Variants in TAS2R1 observed in about 807,000 individuals in gnomAD.
TAS2R1 encodes taste 2 receptor member 1, also known as taste receptor type 2 member 1.
For synonymous variants in TAS2R1, 141 were observed against 134.2 expected (o/e 1.05, Z -0.35); for missense variants, 370 against 353.4 (o/e 1.05, Z -0.38).
the TAS2R1 span, among the ~76,000 whole-genome samples, chr5:9,898,710 CA>C: frequency 6.6e-6 from 1 of 152,096 alleles, no homozygotes; most frequent in African/African-American, 2.4e-5. Flanking sequence ...AGGCAGGAAG[CA>C]AAACAACAGA....
chr5:9,703,026 C>T (rs1741523590), intron 1 of TAS2R1, among the ~76,000 whole-genome samples: 1 of 152,156 alleles, frequency 6.6e-6, no homozygotes, highest in African/African-American at 2.4e-5. Flanking sequence ...AAAAACAAAG[C>T]TAGATTCCAG....
the TAS2R1 span, among the ~76,000 whole-genome samples, chr5:9,875,226 C>T: frequency 6.6e-6 from 1 of 152,124 alleles, no homozygotes; most frequent in African/African-American, 2.4e-5. Context: ...AGGGAGCGGG[C>T]AGGAGCCAAC....
the TAS2R1 span, among the ~76,000 whole-genome samples, chr5:9,801,063 G>A: frequency 3.3e-5 from 5 of 152,278 alleles, no homozygotes; most frequent in South Asian, 2.1e-4. Context: ...ATGGTGGCAG[G>A]AGCCTATAAT....
chr5:9,727,294 T>A, the TAS2R1 span, among the ~76,000 whole-genome samples: 1 of 152,204 alleles, frequency 6.6e-6, no homozygotes, highest in Non-Finnish European at 1.5e-5. Flanking sequence ...AAGCAGACAT[T>A]TAAAAGTGAT....
At chr5:9,810,531 G>A in the TAS2R1 span, among the ~76,000 whole-genome samples, 1 of 152,244 alleles carries the variant, frequency 6.6e-6, no homozygotes, top group African/African-American at 2.4e-5. Flanking sequence ...GAGTTTAATG[G>A]GCCATGAGGA....
chr5:9,631,390 C>T (rs555161012), upstream of TAS2R1, among the ~76,000 whole-genome samples: 23 of 152,304 alleles, frequency 1.5e-4, no homozygotes, highest in African/African-American at 5.3e-4. Flanking sequence ...TAGATATGCA[C>T]CACCATGCCT....
chr5:9,880,151 C>T, the TAS2R1 span, among the ~76,000 whole-genome samples: 5 of 152,080 alleles, frequency 3.3e-5, no homozygotes, highest in Admixed American at 6.5e-5. Context: ...ATAAACTATA[C>T]GTAAAGAGGA....
At chr5:9,862,004 T>C in the TAS2R1 span, among the ~76,000 whole-genome samples, 2 of 152,128 alleles carry the variant, frequency 1.3e-5, no homozygotes, top group East Asian at 1.9e-4. Flanking sequence ...TGGACAAATA[T>C]TGCAAATCAA....
rs542286027 is a variant in TAS2R1, at chr5:9,639,495, C to T, written c.-80-9503G>A. On this transcript the variant is annotated intron_variant, in intron 2 of 2. Transcript: ENST00000506620. The stretch of plus-strand genomic sequence containing the variant: ...CTGTTTTGTGGAATTTGCAGCAGCA[C>T]GCCACTCTTTCAAAGGATCTGTGAA... 3.2e-3 allele frequency among the ~76,000 whole-genome samples: 493 copies of T among 152,114 alleles called. 1 individual carries two copies. Among genetic ancestry groups the T allele is most frequent in the African/African-American group, 0.011 (476 of 41,490 alleles).
At chr5:9,857,215 C>T in the TAS2R1 span, among the ~76,000 whole-genome samples, 18 of 152,060 alleles carry the variant, frequency 1.2e-4, no homozygotes, top group Non-Finnish European at 2.5e-4. Context: ...AGAAGAAGTA[C>T]GTTTTAGTAT....
At chr5:9,778,044 C>T in the TAS2R1 span, among the ~76,000 whole-genome samples, 1 of 152,080 alleles carries the variant, frequency 6.6e-6, no homozygotes, top group African/African-American at 2.4e-5. Context: ...CCGCGCCCGG[C>T]TAATTTTTTG....
chr5:9,849,020 T>A, the TAS2R1 span, among the ~76,000 whole-genome samples: 7 of 152,332 alleles, frequency 4.6e-5, no homozygotes, highest in South Asian at 1.4e-3. Context: ...CAATCAATGT[T>A]GGTCTTGGAA....
intron 1 of TAS2R1, among the ~76,000 whole-genome samples, chr5:9,665,185 T>G (rs1740607444): frequency 6.6e-6 from 1 of 152,162 alleles, no homozygotes; most frequent in Non-Finnish European, 1.5e-5. Flanking sequence ...CTTTGACACA[T>G]GACCTCCATC....
chr5:9,732,885 C>T, the TAS2R1 span, among the ~76,000 whole-genome samples: 15 of 152,214 alleles, frequency 9.9e-5, no homozygotes, highest in Non-Finnish European at 1.9e-4. Flanking sequence ...CAGACAGGAG[C>T]GGATATTGCA....
the TAS2R1 span, among the ~76,000 whole-genome samples, chr5:9,721,059 C>T: frequency 2.0e-5 from 3 of 152,194 alleles, no homozygotes; most frequent in Admixed American, 6.5e-5. Context: ...TTCCCTTGCC[C>T]ATGTGCAACC....
chr5:9,657,917 AC>A (rs1740447031), intron 2 of TAS2R1, among the ~76,000 whole-genome samples: 1 of 152,220 alleles, frequency 6.6e-6, no homozygotes. Flanking sequence ...AACTTAAACA[AC>A]AAAGCTGACA....
At chr5:9,705,934 G>A (rs1000077995) in intron 1 of TAS2R1, among the ~76,000 whole-genome samples, 3 of 152,158 alleles carry the variant, frequency 2.0e-5, no homozygotes, top group Non-Finnish European at 4.4e-5. Flanking sequence ...ACTGGGCTTG[G>A]TGAGAGGAAG....
chr5:9,777,921 C>T, the TAS2R1 span, among the ~76,000 whole-genome samples: 10 of 146,220 alleles, frequency 6.8e-5, no homozygotes, highest in Non-Finnish European at 1.2e-4. Flanking sequence ...TCGCCCAGGC[C>T]GGACTGCGGA....
chr5:9,640,030 A>G (rs536913012), intron 2 of TAS2R1, among the ~76,000 whole-genome samples: 2 of 152,200 alleles, frequency 1.3e-5, no homozygotes, highest in Non-Finnish European at 2.9e-5. Context: ...CATTTGGCCT[A>G]TCATGGCTCT....
Sources: allele counts gnomAD v4.1 joint callset (sites outside exome capture counted in the v4.1 genomes callset), GRCh38; gene constraint gnomAD v4.1.1; transcripts MANE v1.5; gene names NCBI Gene and HGNC (gene_info 2026-07-23, HGNC 2026-07-21).